Variants in DNAH9 observed in about 807,000 individuals in gnomAD.
The protein encoded by DNAH9 is dynein axonemal heavy chain 9.
In DNAH9, 345 loss-of-function variants were observed where a neutral mutation model predicts 471.6. That is an observed-to-expected ratio of 0.73 (90% CI 0.67 to 0.80). The LOEUF (loss-of-function observed/expected upper bound fraction) is 0.80, where lower values mean the gene tolerates loss of function less well. Ranked by LOEUF, DNAH9 falls within the 30% of genes least tolerant of loss-of-function variation. The pLI, the probability that DNAH9 is intolerant of heterozygous loss-of-function variation, is 0.00. For synonymous variants in DNAH9, 2,093 were observed against 2,123.6 expected (o/e 0.99, Z 0.40); for missense variants, 5,407 against 5,609.2 (o/e 0.96, Z 1.15).
chr17:11,882,297 T>G (rs1972754192), intron 55 of DNAH9, among the ~76,000 whole-genome samples: 1 of 152,222 alleles, frequency 6.6e-6, no homozygotes, highest in Admixed American at 6.5e-5. Context: ...TGACCTCATT[T>G]AACCTTAATT....
intron 17 of DNAH9, among the ~76,000 whole-genome samples, chr17:11,676,182 A>G (rs1331531181): frequency 1.3e-5 from 2 of 151,948 alleles, no homozygotes; most frequent in Non-Finnish European, 2.9e-5. Context: ...CATCTCATGT[A>G]AATCTTCAAA....
chr17:11,933,856 C>G, intron 64 of DNAH9, 24 bp from the exon 65 acceptor site: 1 of 1,596,484 alleles, frequency 6.3e-7, no homozygotes, highest in Non-Finnish European at 8.6e-7. Context: ...CTTCCTTCCT[C>G]TCTTTCTTTC....
At chr17:11,653,218 C>T (rs2073552379) in intron 14 of DNAH9, among the ~76,000 whole-genome samples, 1 of 152,206 alleles carries the variant, frequency 6.6e-6, no homozygotes, top group Non-Finnish European at 1.5e-5. Flanking sequence ...TTACTATCTT[C>T]ATGGTGACAA....
At chr17:11,852,848 A>G (rs975981637) in intron 49 of DNAH9, among the ~76,000 whole-genome samples, 15 of 133,844 alleles carry the variant, frequency 1.1e-4, no homozygotes, top group Admixed American at 5.2e-4. Context: ...ATATATATAT[A>G]TATATATATA....
chr17:11,694,498 C>A (rs368186064), intron 22 of DNAH9, 51 bp downstream of exon 22: 1 of 1,604,804 alleles, frequency 6.2e-7, no homozygotes, highest in Admixed American at 1.7e-5. Context: ...GAGGGGTGCC[C>A]AGCAGGAGGC....
At chr17:11,652,053 G>A (rs955760555) in intron 13 of DNAH9, among the ~76,000 whole-genome samples, 1 of 152,068 alleles carries the variant, frequency 6.6e-6, no homozygotes, top group Non-Finnish European at 1.5e-5. Flanking sequence ...TATTAAACAA[G>A]TTAGAACTTT....
At chr17:11,830,403 A>C (rs1202070813) in intron 48 of DNAH9, among the ~76,000 whole-genome samples, 1 of 152,192 alleles carries the variant, frequency 6.6e-6, no homozygotes, top group African/African-American at 2.4e-5. Flanking sequence ...GACTCAATCC[A>C]CACATCTGTC....
intron 38 of DNAH9, among the ~76,000 whole-genome samples, chr17:11,774,731 C>T (rs1281667386): frequency 6.6e-6 from 1 of 152,150 alleles, no homozygotes; most frequent in Non-Finnish European, 1.5e-5. Context: ...TGTCTTAATA[C>T]ATGCAGATCT....
intron 8 of DNAH9, among the ~76,000 whole-genome samples, chr17:11,635,984 T>TTTG (rs1567680057): frequency 2.3e-5 from 3 of 128,924 alleles, no homozygotes; most frequent in African/African-American, 8.1e-5. Flanking sequence ...GTTTTGTTTT[T>TTTG]TTTGTTTGTT....
At chr17:11,769,716 G>C (rs927568434) in intron 38 of DNAH9, among the ~76,000 whole-genome samples, 2 of 152,176 alleles carry the variant, frequency 1.3e-5, no homozygotes, top group African/African-American at 4.8e-5. Flanking sequence ...TATGTTATGG[G>C]TGGGGAAACT....
intron 43 of DNAH9, among the ~76,000 whole-genome samples, chr17:11,797,996 G>A (rs1413752839): frequency 2.0e-5 from 3 of 152,126 alleles, no homozygotes; most frequent in African/African-American, 4.8e-5. Context: ...GCTCAGGCAG[G>A]AATGGGTTCA....
intron 19 of DNAH9, among the ~76,000 whole-genome samples, chr17:11,684,773 A>T (rs1315144280): frequency 1.3e-5 from 2 of 152,216 alleles, no homozygotes; most frequent in East Asian, 3.8e-4. Context: ...CTACATGACA[A>T]CTAGAGAAAA....
chr17:11,905,567 T>C, intron 60 of DNAH9, 94 bp from the exon 61 acceptor site: 1 of 1,301,078 alleles, frequency 7.7e-7, no homozygotes. Flanking sequence ...ACCTTGAGCA[T>C]GTTCTTTCAT....
intron 61 of DNAH9, among the ~76,000 whole-genome samples, chr17:11,906,244 C>A (rs922283597): frequency 6.6e-6 from 1 of 152,100 alleles, no homozygotes; most frequent in Non-Finnish European, 1.5e-5. Flanking sequence ...TATAAAGATA[C>A]CCGCATGTAT....
At position 11,937,262 on chromosome 17, in the gene DNAH9, C is replaced by T. The variant is rs1390496695; in HGVS notation, c.12490-90C>T. 1.4e-6 allele frequency: 2 copies of T among 1,476,876 alleles called. No homozygotes were observed. Among genetic ancestry groups the T allele is most frequent in the Non-Finnish European group, 9.1e-7 (1 of 1,093,410 alleles). 91.5% of individuals were successfully genotyped at this position (1,476,876 alleles called of 1,614,324 possible). On this transcript the variant is annotated intron_variant, in intron 65 of 68. Coordinates refer to ENST00000262442, the MANE Select transcript of DNAH9 (RefSeq NM_001372.4). The surrounding 1 kb of genome is among the most constrained non-coding windows in gnomAD (Gnocchi z 4.1). ...GTGTCCCCTGGAGGAGGGATACTAGCCCATGGACTCCCTGCAGAGGACAAG... is the reference window on the plus strand; with the variant it reads ...GTGTCCCCTGGAGGAGGGATACTAGTCCATGGACTCCCTGCAGAGGACAAG...
chr17:11,916,669 C>T (rs1973968950), intron 61 of DNAH9, among the ~76,000 whole-genome samples: 1 of 152,230 alleles, frequency 6.6e-6, no homozygotes, highest in Non-Finnish European at 1.5e-5. Flanking sequence ...CTGTCTTCCT[C>T]CGTTTAGACT....
chr17:11,824,582 TAGGAG>T (rs1970423047), intron 48 of DNAH9, among the ~76,000 whole-genome samples: 1 of 152,222 alleles, frequency 6.6e-6, no homozygotes, highest in South Asian at 2.1e-4. Flanking sequence ...CTCTAAATTG[TAGGAG>T]AGCTTTTCAA....
At chr17:11,788,526 C>T (rs1340545459) in intron 41 of DNAH9, among the ~76,000 whole-genome samples, 2 of 152,186 alleles carry the variant, frequency 1.3e-5, no homozygotes, top group Non-Finnish European at 2.9e-5. Flanking sequence ...CTTTCCTCCT[C>T]TTGTCAGCCC....
At chr17:11,714,373 C>A (rs530894366) in intron 26 of DNAH9, among the ~76,000 whole-genome samples, 4 of 152,278 alleles carry the variant, frequency 2.6e-5, no homozygotes, top group African/African-American at 9.6e-5. Context: ...GTTCTATCGT[C>A]TATCTAGTAA....
Sources: allele counts gnomAD v4.1 joint callset (sites outside exome capture counted in the v4.1 genomes callset), GRCh38; gene constraint gnomAD v4.1.1; non-coding constraint Gnocchi (gnomAD v3.1); transcripts MANE v1.5; gene names NCBI Gene and HGNC (gene_info 2026-07-23, HGNC 2026-07-21).